OSBPL6: variants seen among roughly 807,000 people sequenced by gnomAD.
The protein encoded by OSBPL6 is oxysterol-binding protein-related protein 6.
In OSBPL6, 49 loss-of-function variants were observed where a neutral mutation model predicts 125.8. The ratio of observed to expected loss-of-function variants is 0.39; its 90% CI spans 0.31 to 0.49. OSBPL6 has a LOEUF of 0.49. OSBPL6 is among the 20% of genes least tolerant of loss of function. The pLI is 0.88. For missense variants in OSBPL6, 986 were observed against 1,135.4 expected, an observed-to-expected ratio of 0.87 and a Z score of 1.89; for synonymous variants, 394 against 391.8, an observed-to-expected ratio of 1.01 and a Z score of -0.07.
chr2:178,257,380 T>C (rs988061059), intron 1 of OSBPL6, among the ~76,000 whole-genome samples: 5 of 152,228 alleles, frequency 3.3e-5, no homozygotes, highest in African/African-American at 1.2e-4. Flanking sequence ...AAATGAATCA[T>C]ATAGTATACT....
chr2:178,392,554 G>A lies in OSBPL6; in HGVS notation c.2573+16G>A. ...CAGATCAAAGGTGAGGATGGCAGTG[G>A]TATTTAATATGCAGACTATGGCTGG... On this transcript the variant is annotated intron_variant, in intron 23 of 24. Coordinates refer to ENST00000190611, the MANE Select transcript of OSBPL6 (RefSeq NM_032523.4). 1 of 1,613,296 alleles carries A rather than the reference G, an allele frequency of 6.2e-7. No individual in the cohort carries two copies. Among genetic ancestry groups the A allele is most frequent in the Non-Finnish European group, 8.5e-7 (1 of 1,179,674 alleles).
At chr2:178,338,966 A>G in intron 9 of OSBPL6, 25 bp from the exon 10 acceptor site, 1 of 1,561,326 alleles carries the variant, frequency 6.4e-7, no homozygotes, top group Admixed American at 1.7e-5. Context: ...ATTTTAACGT[A>G]TTTTTATTTC....
At chr2:178,320,210 A>G in intron 3 of OSBPL6, 1 of 1,530,158 alleles carries the variant, frequency 6.5e-7, no homozygotes, top group South Asian at 1.2e-5. Context: ...TGTCTTTGAT[A>G]CCAAGTAAAC....
intron 1 of OSBPL6, among the ~76,000 whole-genome samples, chr2:178,261,777 C>T (rs758295425): frequency 2.6e-5 from 4 of 152,138 alleles, no homozygotes; most frequent in East Asian, 1.9e-4. Flanking sequence ...TTGTATTGAA[C>T]GAATTTCAAC....
At chr2:178,201,806 G>A (rs1329870718) in intron 1 of OSBPL6, among the ~76,000 whole-genome samples, 1 of 152,182 alleles carries the variant, frequency 6.6e-6, no homozygotes, top group South Asian at 2.1e-4. Flanking sequence ...AATACTGACA[G>A]GGACCTGTGG....
At chr2:178,339,862 T>C in intron 11 of OSBPL6, 98 bp downstream of exon 11, 1 of 722,252 alleles carries the variant, frequency 1.4e-6, no homozygotes, top group Non-Finnish European at 2.1e-6. Context: ...AAGGGCAACT[T>C]AACTGCTTTA....
intron 1 of OSBPL6, among the ~76,000 whole-genome samples, chr2:178,198,911 A>G (rs533809695): frequency 6.6e-6 from 1 of 152,212 alleles, no homozygotes; most frequent in African/African-American, 2.4e-5. Flanking sequence ...ATTGGATCTC[A>G]GTTTTTCAAG....
At chr2:178,363,698 G>A (rs556555164) in intron 13 of OSBPL6, among the ~76,000 whole-genome samples, 1 of 152,284 alleles carries the variant, frequency 6.6e-6, no homozygotes, top group East Asian at 1.9e-4. Flanking sequence ...TTGATCAACT[G>A]TGCTTCCTTG....
At chr2:178,198,632 A>AAATAAATC (rs2153930960) in intron 1 of OSBPL6, among the ~76,000 whole-genome samples, 1 of 150,466 alleles carries the variant, frequency 6.6e-6, no homozygotes, top group East Asian at 1.9e-4. Context: ...ATAAATAAAT[A>AAATAAATC]AATAAATAAA....
At chr2:178,327,186 G>T (rs1688772199) in intron 4 of OSBPL6, among the ~76,000 whole-genome samples, 1 of 152,110 alleles carries the variant, frequency 6.6e-6, no homozygotes, top group Non-Finnish European at 1.5e-5. Flanking sequence ...TTGGAAAAAA[G>T]AAATTAGTAG....
At chr2:178,377,253 C>T (rs1354413876) in intron 15 of OSBPL6, among the ~76,000 whole-genome samples, 2 of 152,230 alleles carry the variant, frequency 1.3e-5, no homozygotes, top group Non-Finnish European at 2.9e-5. Flanking sequence ...AAGGGGAAGC[C>T]AGCCCTCACA....
At chr2:178,368,272 G>T (rs1375458089) in intron 13 of OSBPL6, among the ~76,000 whole-genome samples, 1 of 152,166 alleles carries the variant, frequency 6.6e-6, no homozygotes, top group Admixed American at 6.5e-5. Flanking sequence ...CAAGGCAAAA[G>T]GGGGAGGATG....
At chr2:178,208,658 T>G (rs891542503) in intron 1 of OSBPL6, among the ~76,000 whole-genome samples, 1 of 60,704 alleles carries the variant, frequency 1.6e-5, no homozygotes, top group Non-Finnish European at 3.1e-5. Flanking sequence ...TCCCCTCCCC[T>G]TCCCTCCCAT....
chr2:178,216,455 A>C (rs1306352058), intron 1 of OSBPL6, among the ~76,000 whole-genome samples: 3 of 152,200 alleles, frequency 2.0e-5, no homozygotes, highest in Admixed American at 2.0e-4. Context: ...ATTACATGAA[A>C]TAGGATTCAA....
intron 10 of OSBPL6, among the ~76,000 whole-genome samples, 198 bp from the exon 11 acceptor site, chr2:178,339,474 T>A (rs12479027): frequency 0.076 from 11,506 of 152,224 alleles, 672 homozygotes; most frequent in East Asian, 0.26. Flanking sequence ...TGTTTATCAG[T>A]AAAATATATT....
chr2:178,304,366 C>T (rs1389160160), intron 2 of OSBPL6, among the ~76,000 whole-genome samples: 1 of 152,188 alleles, frequency 6.6e-6, no homozygotes, highest in Non-Finnish European at 1.5e-5. Flanking sequence ...GAAGCAAACA[C>T]TTCCTTCTTC....
chr2:178,220,385 C>T (rs1269376234), intron 1 of OSBPL6, among the ~76,000 whole-genome samples: 1 of 152,164 alleles, frequency 6.6e-6, no homozygotes, highest in African/African-American at 2.4e-5. Flanking sequence ...TAACCTCTAC[C>T]TCCCAGGTTC....
chr2:178,375,871 T>G (rs1693832774), intron 15 of OSBPL6, among the ~76,000 whole-genome samples: 1 of 152,196 alleles, frequency 6.6e-6, no homozygotes, highest in Non-Finnish European at 1.5e-5. Flanking sequence ...CAGGTACTGC[T>G]TGCCCTGGAC....
chr2:178,326,129 A>G (rs1203715113), intron 4 of OSBPL6, among the ~76,000 whole-genome samples: 1 of 148,990 alleles, frequency 6.7e-6, no homozygotes, highest in Non-Finnish European at 1.5e-5. Flanking sequence ...TTTTTTTTGA[A>G]GTACACATTG....
Sources: gnomAD v4.1 joint callset for allele counts (sites outside exome capture counted in the v4.1 genomes callset) on GRCh38, gnomAD v4.1.1 for gene constraint, MANE v1.5 for transcripts, NCBI Gene and HGNC (gene_info 2026-07-23, HGNC 2026-07-21) for gene names.